The following SCAPER variants were observed in gnomAD, a reference collection of about 807,000 sequenced individuals.
SCAPER encodes the protein S-phase cyclin A associated protein in the ER.
A neutral mutation model predicts 182.2 loss-of-function variants in SCAPER; 98 were observed. The ratio of observed to expected loss-of-function variants is 0.54; its 90% CI spans 0.46 to 0.64. The LOEUF is 0.64. SCAPER is among the 30% of genes least tolerant of loss of function. SCAPER has a pLI of 0.00. For missense variants in SCAPER, 1,432 were observed against 1,690.0 expected (o/e 0.85, Z 2.68); for synonymous variants, 605 against 564.6 (o/e 1.07, Z -1.01).
chr15:76,436,182 C>T (rs1282225241), intron 25 of SCAPER, among the ~76,000 whole-genome samples: 2 of 152,200 alleles, frequency 1.3e-5, no homozygotes, highest in Non-Finnish European at 2.9e-5. Context: ...ATTCTCCTGC[C>T]TCAGCCTCCT....
At chr15:76,501,752 A>T (rs1410086232) in intron 24 of SCAPER, among the ~76,000 whole-genome samples, 1 of 152,210 alleles carries the variant, frequency 6.6e-6, no homozygotes, top group Non-Finnish European at 1.5e-5. Context: ...AGGGGTGGGA[A>T]CCCGCTAGGG....
At chr15:76,454,613 T>C (rs969340556) in intron 25 of SCAPER, among the ~76,000 whole-genome samples, 4 of 152,202 alleles carry the variant, frequency 2.6e-5, no homozygotes, top group Non-Finnish European at 4.4e-5. Context: ...TTATAATTCA[T>C]TGAATTTACT....
At chr15:76,831,129 G>C (rs949268120) in intron 5 of SCAPER, among the ~76,000 whole-genome samples, 3 of 152,168 alleles carry the variant, frequency 2.0e-5, no homozygotes, top group African/African-American at 7.2e-5. Context: ...CATGGGGACA[G>C]CTACTATGGA....
intron 26 of SCAPER, among the ~76,000 whole-genome samples, chr15:76,421,808 A>G (rs1003130859): frequency 3.9e-5 from 6 of 152,238 alleles, no homozygotes; most frequent in Non-Finnish European, 8.8e-5. Flanking sequence ...ATAAGGTGTA[A>G]GGAAGGGATC....
At chr15:76,553,682 C>T (rs550789986) in intron 23 of SCAPER, among the ~76,000 whole-genome samples, 8 of 152,232 alleles carry the variant, frequency 5.3e-5, no homozygotes, top group Non-Finnish European at 8.8e-5. Flanking sequence ...TCCCAGCCCC[C>T]GAGAGTAAGA....
intron 10 of SCAPER, 85 bp downstream of exon 10, chr15:76,771,657 T>C (rs2063477295): frequency 1.1e-6 from 1 of 941,456 alleles, no homozygotes; most frequent in Non-Finnish European, 1.6e-6. Context: ...GTATAAATCA[T>C]ACAAGTTATT....
At chr15:76,455,032 C>T (rs2048625969) in intron 25 of SCAPER, among the ~76,000 whole-genome samples, 1 of 152,028 alleles carries the variant, frequency 6.6e-6, no homozygotes, top group Non-Finnish European at 1.5e-5. Context: ...TTAATTATTC[C>T]TCAACCTGTA....
At chr15:76,662,817 G>T (rs1042607132) in intron 21 of SCAPER, among the ~76,000 whole-genome samples, 4 of 151,840 alleles carry the variant, frequency 2.6e-5, no homozygotes, top group Non-Finnish European at 4.4e-5. Context: ...TATTTTAAAT[G>T]GACTATAAGC....
chr15:76,579,327 A>G (rs898964628), intron 22 of SCAPER, among the ~76,000 whole-genome samples: 2 of 151,486 alleles, frequency 1.3e-5, no homozygotes, highest in Non-Finnish European at 2.9e-5. Context: ...ACATAGTACA[A>G]GAAGATATGA....
intron 21 of SCAPER, among the ~76,000 whole-genome samples, chr15:76,660,600 T>C (rs767944191): frequency 6.6e-6 from 1 of 151,972 alleles, no homozygotes; most frequent in Non-Finnish European, 1.5e-5. Context: ...CTCAATCTGA[T>C]AAAGGACATC....
intron 24 of SCAPER, among the ~76,000 whole-genome samples, chr15:76,497,239 C>T (rs998681458): frequency 6.7e-6 from 1 of 149,978 alleles, no homozygotes; most frequent in African/African-American, 2.4e-5. Flanking sequence ...GAAAAAAAAT[C>T]ACTTGAAGTT....
In SCAPER at chr15:76,731,559, G is replaced by A. The variant is rs190420518; in HGVS notation, c.2022+1670C>T. Among the ~76,000 whole-genome samples the A allele has an allele frequency of 1.2e-3, 176 of 152,310 alleles. 2 individuals are homozygous for A. The highest frequency in any genetic ancestry group is 4.0e-3 in the African/African-American group (167 of 41,582). ...GTCTCTGAAATTCTGTATTAGGTTA[G>A]GATCTTACCATTATTGTATTTACAG... On this transcript the variant is annotated intron_variant, in intron 16 of 31. Transcript: ENST00000563290.
At chr15:76,505,052 A>C in intron 23 of SCAPER, 78 bp from the exon 24 acceptor site, 1 of 930,500 alleles carries the variant, frequency 1.1e-6, no homozygotes, top group Non-Finnish European at 1.7e-6. Flanking sequence ...GTAGTCTGAA[A>C]CATACTGATG....
intron 21 of SCAPER, among the ~76,000 whole-genome samples, chr15:76,635,338 G>A (rs1174482544): frequency 6.6e-6 from 1 of 152,124 alleles, no homozygotes; most frequent in Non-Finnish European, 1.5e-5. Context: ...ACATCTTTGA[G>A]ATGTGGGAGG....
chr15:76,529,830 C>T (rs1295832428), intron 23 of SCAPER, among the ~76,000 whole-genome samples: 2 of 152,116 alleles, frequency 1.3e-5, no homozygotes, highest in Non-Finnish European at 2.9e-5. Flanking sequence ...CTAGAGCTTT[C>T]TAGGTGATTG....
At chr15:76,862,248 GCTTTTATAAAA>G (rs6145635) in intron 3 of SCAPER, among the ~76,000 whole-genome samples, 157 bp downstream of exon 3, 56,966 of 151,626 alleles carry the variant, frequency 0.38, 12,631 homozygotes, top group Middle Eastern at 0.52. Flanking sequence ...TAACAATAAG[GCTTTTATAAAA>G]CCATGTGTGT....
chr15:76,810,469 G>A (rs2066504827), intron 5 of SCAPER, among the ~76,000 whole-genome samples: 1 of 149,672 alleles, frequency 6.7e-6, no homozygotes, highest in Non-Finnish European at 1.5e-5. Flanking sequence ...TAAGCACCCT[G>A]GTAACCACAA....
At chr15:76,662,780 C>T (rs1331299866) in intron 21 of SCAPER, among the ~76,000 whole-genome samples, 1 of 151,586 alleles carries the variant, frequency 6.6e-6, no homozygotes, top group African/African-American at 2.4e-5. Flanking sequence ...AAACCTGGAC[C>T]CATACTTTAT....
intron 18 of SCAPER, among the ~76,000 whole-genome samples, chr15:76,703,882 T>A (rs1449464048): frequency 6.6e-6 from 1 of 152,180 alleles, no homozygotes; most frequent in Non-Finnish European, 1.5e-5. Context: ...TTTAAACGCA[T>A]GATAGATTTC....
Sources: gnomAD v4.1 joint callset for allele counts (sites outside exome capture counted in the v4.1 genomes callset) on GRCh38, gnomAD v4.1.1 for gene constraint, MANE v1.5 for transcripts, NCBI Gene and HGNC (gene_info 2026-07-23, HGNC 2026-07-21) for gene names.